SLC67A2: variants seen among roughly 807,000 people sequenced by gnomAD.
SLC67A2 encodes the protein solute carrier family 67 member A2.
At chr2:102,722,012 G>A in the SLC67A2 span, among the ~76,000 whole-genome samples, 1 of 152,236 alleles carries the variant, frequency 6.6e-6, no homozygotes, top group Non-Finnish European at 1.5e-5. Flanking sequence ...GGCCCAATGT[G>A]TATTCTGCAC....
chr2:102,723,632 T>C, the SLC67A2 span: 1 of 1,461,458 alleles, frequency 6.8e-7, no homozygotes, highest in Non-Finnish European at 9.5e-7. Flanking sequence ...TGCAAAGAAA[T>C]AAGAGAAAAG....
the SLC67A2 span, chr2:102,732,281 A>G: frequency 6.6e-7 from 1 of 1,514,524 alleles, no homozygotes; most frequent in Non-Finnish European, 9.1e-7. Flanking sequence ...CAGAGGATTT[A>G]AAATTCAGTG....
chr2:102,715,729 A>T, the SLC67A2 span: 17 of 152,186 alleles, frequency 1.1e-4, no homozygotes, highest in Non-Finnish European at 2.5e-4. Context: ...GTTGCACCCT[A>T]TGAAGATATT....
chr2:102,718,436 T>A, the SLC67A2 span: 1 of 1,614,096 alleles, frequency 6.2e-7, no homozygotes, highest in Non-Finnish European at 8.5e-7. Context: ...ACTTTTTAAT[T>A]TACTATTCCC....
At chr2:102,724,720 G>A in the SLC67A2 span, among the ~76,000 whole-genome samples, 5 of 152,186 alleles carry the variant, frequency 3.3e-5, no homozygotes, top group African/African-American at 9.6e-5. Context: ...GTGACACAGC[G>A]TTTCTCTGTG....
At chr2:102,722,000 C>G in the SLC67A2 span, among the ~76,000 whole-genome samples, 188 of 152,336 alleles carry the variant, frequency 1.2e-3, no homozygotes, top group African/African-American at 4.4e-3. Flanking sequence ...GCCACTGCAC[C>G]CGGCCCAATG....
chr2:102,718,677 T>C, the SLC67A2 span: 8 of 1,613,876 alleles, frequency 5.0e-6, 1 homozygote, highest in East Asian at 2.2e-5. Context: ...GTCCTGCCAA[T>C]GGCAGTGGAG....
the SLC67A2 span, among the ~76,000 whole-genome samples, chr2:102,714,702 C>T: frequency 6.6e-6 from 1 of 152,006 alleles, no homozygotes; most frequent in African/African-American, 2.4e-5. Flanking sequence ...AACATTAGAG[C>T]TGAAAAAAAG....
the SLC67A2 span, among the ~76,000 whole-genome samples, chr2:102,734,454 A>G: frequency 6.6e-6 from 1 of 152,210 alleles, no homozygotes; most frequent in Non-Finnish European, 1.5e-5. Flanking sequence ...ACAATTTGGC[A>G]AATGACTTCT....
chr2:102,726,856 C>T, the SLC67A2 span: 2 of 1,591,786 alleles, frequency 1.3e-6, no homozygotes, highest in East Asian at 2.3e-5. Flanking sequence ...TGCCGGGACT[C>T]TAGCCAGGAC....
chr2:102,734,540 T>G, the SLC67A2 span, among the ~76,000 whole-genome samples: 1 of 142,056 alleles, frequency 7.0e-6, no homozygotes, highest in Non-Finnish European at 1.5e-5. Context: ...TCCCTAAATA[T>G]GTCAAAAAAA....
At chr2:102,733,270 GCACA>G in the SLC67A2 span, among the ~76,000 whole-genome samples, 1 of 152,054 alleles carries the variant, frequency 6.6e-6, no homozygotes, top group African/African-American at 2.4e-5. Flanking sequence ...AAAAAACATT[GCACA>G]CACACAGTTT....
the SLC67A2 span, among the ~76,000 whole-genome samples, chr2:102,724,236 C>T: frequency 6.6e-6 from 1 of 152,174 alleles, no homozygotes; most frequent in Non-Finnish European, 1.5e-5. Context: ...GTTACGCTTG[C>T]ATTTCACGGT....
At chr2:102,728,190 C>T in the SLC67A2 span, among the ~76,000 whole-genome samples, 1 of 152,152 alleles carries the variant, frequency 6.6e-6, no homozygotes, top group Admixed American at 6.5e-5. Context: ...ATCAATGGAG[C>T]ACTGTGTAAA....
the SLC67A2 span, chr2:102,731,957 AT>A: frequency 2.9e-6 from 1 of 348,698 alleles, no homozygotes; most frequent in Non-Finnish European, 5.8e-6. Flanking sequence ...ATTTCTGTAG[AT>A]TATGTTTCCC....
the SLC67A2 span, chr2:102,732,362 G>T: frequency 3.1e-6 from 5 of 1,613,596 alleles, no homozygotes; most frequent in Admixed American, 5.0e-5. Context: ...CAAGGGACTT[G>T]ACATGAAGGC....
chr2:102,715,130 T>C, the SLC67A2 span, among the ~76,000 whole-genome samples: 7 of 152,196 alleles, frequency 4.6e-5, no homozygotes, highest in Non-Finnish European at 2.9e-5. Context: ...CTAAAGTTAC[T>C]GCCCCAAAGT....
At chr2:102,717,401 T>A in the SLC67A2 span, 1 of 152,226 alleles carries the variant, frequency 6.6e-6, no homozygotes. Context: ...TGACCCTTAT[T>A]CTGCATAAAC....
the SLC67A2 span, among the ~76,000 whole-genome samples, chr2:102,724,749 C>T: frequency 6.6e-6 from 1 of 152,230 alleles, no homozygotes; most frequent in African/African-American, 2.4e-5. Context: ...TGGGCAGTCT[C>T]ACTCTGCACA....
Sources: allele counts gnomAD v4.1 joint callset (sites outside exome capture counted in the v4.1 genomes callset), GRCh38; gene constraint gnomAD v4.1.1; transcripts MANE v1.5; gene names NCBI Gene and HGNC (gene_info 2026-07-23, HGNC 2026-07-21).